Variants in KLF12 observed in about 807,000 individuals in gnomAD.
KLF12 encodes the protein Krueppel-like factor 12.
A neutral mutation model predicts 37.8 loss-of-function variants in KLF12; 9 were observed. The observed-to-expected ratio is 0.24, with a 90% confidence interval of 0.14 to 0.42. The LOEUF (loss-of-function observed/expected upper bound fraction) is 0.42. Among genes scored for constraint, KLF12 ranks in the 10% least tolerant of loss-of-function variants. The pLI, the probability that KLF12 is intolerant of heterozygous loss-of-function variation, is 1.00. For synonymous variants in KLF12, 208 were observed against 202.1 expected (o/e 1.03, Z -0.25); for missense variants, 411 against 516.0 (o/e 0.80, Z 1.97).
At chr13:74,192,393 G>A in the KLF12 span, among the ~76,000 whole-genome samples, 16 of 152,226 alleles carry the variant, frequency 1.1e-4, no homozygotes, top group East Asian at 9.6e-4. Flanking sequence ...TTTCAGATAC[G>A]ACTACAGTCC....
At chr13:74,083,117 C>T (rs1015449313) in intron 1 of KLF12, among the ~76,000 whole-genome samples, 1 of 152,146 alleles carries the variant, frequency 6.6e-6, no homozygotes, top group Non-Finnish European at 1.5e-5. Flanking sequence ...GCTTTAAAAG[C>T]GTGGGGCCCA....
chr13:73,835,392 C>T (rs1884378268), intron 4 of KLF12, among the ~76,000 whole-genome samples: 1 of 152,018 alleles, frequency 6.6e-6, no homozygotes, highest in Non-Finnish European at 1.5e-5. Context: ...TTCCATATTA[C>T]ATGACTTCTG....
chr13:74,156,684 A>G, the KLF12 span, among the ~76,000 whole-genome samples: 1 of 150,328 alleles, frequency 6.7e-6, no homozygotes, highest in Admixed American at 6.7e-5. Context: ...CACCAATTCA[A>G]TTGATTTTTA....
intron 1 of KLF12, among the ~76,000 whole-genome samples, chr13:74,042,636 T>C (rs1256175774): frequency 6.6e-6 from 1 of 152,164 alleles, no homozygotes; most frequent in East Asian, 1.9e-4. Context: ...AACGACTTAA[T>C]GGATTGCCGA....
chr13:74,126,455 T>C (rs1877948214), intron 1 of KLF12, among the ~76,000 whole-genome samples: 1 of 152,042 alleles, frequency 6.6e-6, no homozygotes. Flanking sequence ...TCTATTTCAT[T>C]TTTTTCACAA....
chr13:74,090,377 T>C (rs1292257371), intron 1 of KLF12, among the ~76,000 whole-genome samples: 3 of 152,100 alleles, frequency 2.0e-5, no homozygotes, highest in Non-Finnish European at 2.9e-5. Context: ...CCTCCACACA[T>C]GCATAACCTC....
chr13:73,690,107 G>T lies in KLF12; in HGVS notation c.*5383C>A, dbSNP rs1037358255. The T allele has an allele frequency of 6.6e-6, 1 of 152,452 alleles. No individual in the cohort carries two copies. Among genetic ancestry groups the T allele is most frequent in the Middle Eastern group, 3.2e-3 (1 of 316 alleles). The allele number at this position is 152,452 out of a possible 1,614,324, so 9.4% of individuals were successfully genotyped here. ...TGTGAACAGATTTGATTTACTATGT[G>T]TATGTATTTACTCTCTCTGTGTGTA... is the stretch of plus-strand genomic sequence containing the variant. On this transcript the variant is annotated 3_prime_UTR_variant, in exon 8 of 8. Coordinates refer to ENST00000377669, the MANE Select transcript of KLF12 (RefSeq NM_007249.5).
intron 6 of KLF12, among the ~76,000 whole-genome samples, chr13:73,738,124 T>TATATATATATATATATATAC (rs1305200790): frequency 2.4e-5 from 2 of 81,932 alleles, no homozygotes; most frequent in South Asian, 3.7e-4. Flanking sequence ...TATATATATA[T>TATATATATATATATATATAC]ACACACACAC....
chr13:73,813,913 A>G (rs142616831), intron 4 of KLF12, among the ~76,000 whole-genome samples: 24 of 151,514 alleles, frequency 1.6e-4, no homozygotes, highest in African/African-American at 5.4e-4. Context: ...CTTGAACTCT[A>G]TCCTGTTTTA....
chr13:73,825,657 T>C lies in KLF12; in HGVS notation c.671-12370A>G, dbSNP rs558303206. On this transcript the variant is annotated intron_variant, in intron 4 of 7. Coordinates refer to ENST00000377669, the MANE Select transcript of KLF12 (RefSeq NM_007249.5). ...CTTGAGGTTGCTGTGTGTAGTTGTT[T>C]AATAAATAGAAAGGTTGGATACTGT... Among the ~76,000 whole-genome samples, 4 of 152,318 alleles carry C rather than the reference T, an allele frequency of 2.6e-5. No homozygotes were observed. The South Asian group carries it at 8.3e-4, about 32-fold the overall frequency.
intron 3 of KLF12, among the ~76,000 whole-genome samples, chr13:73,911,903 G>C (rs778717849): frequency 6.6e-5 from 10 of 152,152 alleles, no homozygotes; most frequent in Non-Finnish European, 1.3e-4. Context: ...TCTGCCATCA[G>C]CTCGTGTTTC....
Position 73,695,302 on chromosome 13 carries a change from C to T in KLF12, c.*188G>A. On this transcript the variant is annotated 3_prime_UTR_variant, in exon 8 of 8. Transcript: ENST00000377669. Reference sequence around the variant, plus strand: ...CTCCCAGGCCCGGGTAAAGACGGTTCTCGTCTAGTCATGATGGGGGTTACC... The same window carrying T: ...CTCCCAGGCCCGGGTAAAGACGGTTTTCGTCTAGTCATGATGGGGGTTACC... 1 of 578,676 alleles carries T rather than the reference C, an allele frequency of 1.7e-6. No individual in the cohort carries two copies. Among genetic ancestry groups the T allele is most frequent in the South Asian group, 2.4e-5 (1 of 41,264 alleles). The allele number at this position is 578,676 out of a possible 1,614,324, so 35.8% of individuals were successfully genotyped here.
chr13:73,709,428 C>T (rs1299573456), intron 7 of KLF12, among the ~76,000 whole-genome samples: 1 of 152,070 alleles, frequency 6.6e-6, no homozygotes, highest in Admixed American at 6.5e-5. Context: ...ACTCAATATG[C>T]CTGAAGCAAA....
At chr13:74,281,860 T>C in the KLF12 span, among the ~76,000 whole-genome samples, 5 of 152,340 alleles carry the variant, frequency 3.3e-5, no homozygotes, top group East Asian at 9.6e-4. Context: ...TTCAGGTAGA[T>C]GTAAAATTGT....
chr13:74,154,040 A>T, the KLF12 span, among the ~76,000 whole-genome samples: 1 of 150,790 alleles, frequency 6.6e-6, no homozygotes, highest in African/African-American at 2.4e-5. Context: ...ATCCTGGACA[A>T]CACGGTGAAA....
At chr13:73,915,962 G>T (rs1888808100) in intron 3 of KLF12, among the ~76,000 whole-genome samples, 1 of 152,004 alleles carries the variant, frequency 6.6e-6, no homozygotes, top group South Asian at 2.1e-4. Context: ...AAGGAAACTT[G>T]AGAAATCTCT....
chr13:74,217,067 C>T, the KLF12 span, among the ~76,000 whole-genome samples: 8 of 152,262 alleles, frequency 5.3e-5, no homozygotes, highest in African/African-American at 1.9e-4. Context: ...TATATACACA[C>T]ATATCTAGGG....
chr13:73,939,299 C>T (rs1042206157), intron 3 of KLF12, among the ~76,000 whole-genome samples: 1 of 152,150 alleles, frequency 6.6e-6, no homozygotes, highest in Non-Finnish European at 1.5e-5. Flanking sequence ...ATTTAGAGAG[C>T]TCATCTTTTC....
At chr13:74,130,814 T>C (rs1012080433) in intron 1 of KLF12, among the ~76,000 whole-genome samples, 3 of 152,220 alleles carry the variant, frequency 2.0e-5, no homozygotes, top group African/African-American at 7.2e-5. Flanking sequence ...TTACTAGTTT[T>C]ATAGTTTAAT....
Sources: allele counts gnomAD v4.1 joint callset (sites outside exome capture counted in the v4.1 genomes callset), GRCh38; gene constraint gnomAD v4.1.1; transcripts MANE v1.5; gene names NCBI Gene and HGNC (gene_info 2026-07-23, HGNC 2026-07-21).